Variants in PNPLA7 observed in about 807,000 individuals in gnomAD.
The protein encoded by PNPLA7 is patatin-like phospholipase domain-containing protein 7.
Under a neutral mutation model 161.7 loss-of-function variants are expected in PNPLA7, and 153 were observed. That is an observed-to-expected ratio of 0.95 (90% CI 0.83 to 1.08). The LOEUF is 1.08. Ranked by LOEUF, PNPLA7 falls within the 50% of genes least tolerant of loss-of-function variation. PNPLA7 has a pLI of 0.00. For synonymous variants in PNPLA7, 809 were observed against 782.1 expected, an observed-to-expected ratio of 1.03 and a Z score of -0.57; for missense variants, 1,739 against 1,856.6, an observed-to-expected ratio of 0.94 and a Z score of 1.16.
intron 28 of PNPLA7, 91 bp from the exon 29 acceptor site, chr9:137,463,622 G>A: frequency 2.1e-6 from 2 of 952,994 alleles, no homozygotes; most frequent in Non-Finnish European, 3.2e-6. Context: ...CCTGGAGCTG[G>A]TAGGTCCCAA....
intron 8 of PNPLA7, among the ~76,000 whole-genome samples, chr9:137,532,328 T>G (rs954429223): frequency 1.3e-5 from 2 of 152,112 alleles, no homozygotes; most frequent in Non-Finnish European, 2.9e-5. Flanking sequence ...TCCCAGCTAC[T>G]CGGGAGGCTG....
rs939743724 is a variant in PNPLA7 at position 137,500,662 on chromosome 9, G to A, written c.1757+29C>T. On this transcript the variant is annotated intron_variant, in intron 16 of 34. Transcript: ENST00000406427. This position sits in a 1 kb window ranked among gnomAD's most constrained non-coding sequence, Gnocchi z 5.5. ...CTCAGGGCAGGGGGGGCTGGGGCCC[G>A]CCCTGAGGTCCTGGCCCGTGGGACT... The A allele has an allele frequency of 1.1e-5, 18 of 1,605,876 alleles. No individual in the cohort carries two copies. The highest frequency in any genetic ancestry group is 1.7e-4 in the Middle Eastern group (1 of 6,060).
rs199703362 is a variant in PNPLA7, at chr9:137,498,127, G to T, written c.1876C>A (p.Arg626=). 3 of 1,612,912 alleles carry T rather than the reference G, an allele frequency of 1.9e-6. No homozygotes were observed. The highest frequency in any genetic ancestry group is 2.5e-6 in the Non-Finnish European group (3 of 1,179,926). The stretch of plus-strand genomic sequence containing the variant: ...CCACGGCCTCACCTGTATATTGCTC[G>T]CCCGGCCTCCACCTCCACCCAGTCC... ...ALDWVEVEAG[R]AIYRQGDKSD... Residue 626 remains arginine, a synonymous_variant, in exon 17 of 35, where the codon CGA becomes AGA. Coordinates refer to ENST00000406427, the MANE Select transcript of PNPLA7 (RefSeq NM_001098537.3).
intron 18 of PNPLA7, 86 bp from the exon 19 acceptor site, chr9:137,495,232 C>T (rs1298076775): frequency 1.0e-5 from 9 of 889,774 alleles, no homozygotes; most frequent in Non-Finnish European, 1.6e-5. Flanking sequence ...CGGTGCCTGC[C>T]AGAGCCACAC....
chr9:137,545,886 A>C (rs187084805), intron 4 of PNPLA7, among the ~76,000 whole-genome samples: 1 of 152,294 alleles, frequency 6.6e-6, no homozygotes, highest in Non-Finnish European at 1.5e-5. Flanking sequence ...CGGTAGCGTC[A>C]GTGTCAAGGA....
intron 9 of PNPLA7, among the ~76,000 whole-genome samples, chr9:137,521,969 A>G (rs1268042198): frequency 2.6e-5 from 4 of 152,116 alleles, no homozygotes; most frequent in African/African-American, 9.7e-5. Flanking sequence ...ATCTAAAGTT[A>G]CTCCAAAGTG....
chr9:137,473,255 A>G (rs1406387883), intron 25 of PNPLA7, among the ~76,000 whole-genome samples: 1 of 152,210 alleles, frequency 6.6e-6, no homozygotes, highest in African/African-American at 2.4e-5. Context: ...TGGCCAAACC[A>G]TATCATTCAG....
At position 137,519,911 on chromosome 9, in the gene PNPLA7, C is replaced by T; in HGVS notation, c.1084+6G>A. On this transcript the variant is annotated splice_donor_region_variant and intron_variant, in intron 11 of 34. Coordinates refer to ENST00000406427, the MANE Select transcript of PNPLA7 (RefSeq NM_001098537.3). ...GGACATTGCCCTCCTTGGTGCAGGA[C>T]AGTACCTGAGTCACAGGACTCCTGG... 1.2e-6 allele frequency: 2 copies of T among 1,611,062 alleles called. No individual in the cohort carries two copies. Among genetic ancestry groups the T allele is most frequent in the Non-Finnish European group, 1.7e-6 (2 of 1,179,108 alleles).
At position 137,463,393 on chromosome 9, in the gene PNPLA7, C is replaced by T. The variant is rs1243198165; in HGVS notation, c.3343+22G>A. ...CCCAGGAGCCTGTGCTCCTGCCGGG[C>T]GTGGTCCCCCCACCGCAGTACCTGG... On this transcript the variant is annotated intron_variant, in intron 29 of 34. Transcript: ENST00000406427. The T allele has an allele frequency of 5.7e-6, 9 of 1,578,556 alleles. No individual in the cohort carries two copies. The Admixed American group carries it at 7.0e-5, about 12-fold the overall frequency.
intron 12 of PNPLA7, among the ~76,000 whole-genome samples, chr9:137,510,824 A>T (rs1326406170): frequency 6.6e-6 from 1 of 152,184 alleles, no homozygotes; most frequent in Admixed American, 6.5e-5. Flanking sequence ...GCGGAAAGTC[A>T]CCCAGGTGCC....
At chr9:137,514,657 T>TTTTGCTACACATCAGTTACAGCAAA (rs1357725705) in intron 12 of PNPLA7, among the ~76,000 whole-genome samples, 1 of 140,200 alleles carries the variant, frequency 7.1e-6, no homozygotes, top group African/African-American at 2.7e-5. Flanking sequence ...GATGTTGAGG[T>TTTTGCTACACATCAGTTACAGCAAA]GCCTGGGCCC....
intron 32 of PNPLA7, 144 bp downstream of exon 32, chr9:137,461,787 G>T: frequency 1.7e-6 from 2 of 1,191,358 alleles, no homozygotes; most frequent in Non-Finnish European, 2.3e-6. Context: ...AGCAATCCTT[G>T]TCCTGGCCCT....
chr9:137,463,331 C>T (rs185212930), intron 29 of PNPLA7, 84 bp downstream of exon 29: 15 of 1,218,962 alleles, frequency 1.2e-5, no homozygotes, highest in East Asian at 2.5e-5. Flanking sequence ...CTTCTTGGAG[C>T]GGAGGCAGCT....
At chr9:137,515,578 A>T (rs898819600) in intron 11 of PNPLA7, 59 bp from the exon 12 acceptor site, 2 of 1,467,526 alleles carry the variant, frequency 1.4e-6, no homozygotes, top group African/African-American at 2.8e-5. Flanking sequence ...TGTCTGGTGC[A>T]GCCCATTCGG....
intron 16 of PNPLA7, 146 bp from the exon 17 acceptor site, chr9:137,498,391 A>G: frequency 8.0e-7 from 1 of 1,243,812 alleles, no homozygotes; most frequent in Non-Finnish European, 1.1e-6. Flanking sequence ...GGGACGGGGC[A>G]CGCACCAGTC....
In PNPLA7 at chr9:137,499,912, G is replaced by A. The variant is rs1315773049; in HGVS notation, c.1757+779C>T. On this transcript the variant is annotated intron_variant, in intron 16 of 34. Transcript: ENST00000406427. This position sits in a 1 kb window ranked among gnomAD's most constrained non-coding sequence, Gnocchi z 5.5. ...CAGCAGACATCTGGCCTATGAGGGT[G>A]CGGAGGACTTCCAGAAAACACACAC... Among the ~76,000 whole-genome samples the A allele has an allele frequency of 6.6e-6, 1 of 152,252 alleles. No homozygotes were observed. The highest frequency in any genetic ancestry group is 1.5e-5 in the Non-Finnish European group (1 of 68,050).
rs569367259 is a variant in PNPLA7, at chr9:137,520,773, G to T, written c.958-730C>A. ...CACCGCCAGGAGGAGGGAGAGCCGG[G>T]GTTGACAGCCTTGTGCCCTTGACAA... On this transcript the variant is annotated intron_variant, in intron 10 of 34. Coordinates refer to ENST00000406427, the MANE Select transcript of PNPLA7 (RefSeq NM_001098537.3). The surrounding 1 kb of genome is among the most constrained non-coding windows in gnomAD (Gnocchi z 5.2). Among the ~76,000 whole-genome samples the T allele has an allele frequency of 3.3e-5, 5 of 152,336 alleles. No homozygotes were observed. The highest frequency in any genetic ancestry group is 4.1e-4 in the South Asian group (2 of 4,834).
chr9:137,538,776 G>A (rs1350447017), intron 8 of PNPLA7, among the ~76,000 whole-genome samples: 2 of 152,234 alleles, frequency 1.3e-5, no homozygotes, highest in Non-Finnish European at 2.9e-5. Flanking sequence ...AATGGGCCAA[G>A]CGCGGTGGCT....
At chr9:137,522,922 G>C (rs1315725638) in intron 8 of PNPLA7, 65 bp from the exon 9 acceptor site, 1 of 1,591,944 alleles carries the variant, frequency 6.3e-7, no homozygotes, top group South Asian at 1.1e-5. Context: ...GAATGCCAAG[G>C]CTCCTGGAAG....
Sources: gnomAD v4.1 joint callset for allele counts (sites outside exome capture counted in the v4.1 genomes callset) on GRCh38, gnomAD v4.1.1 for gene constraint, Gnocchi (gnomAD v3.1) non-coding constraint, MANE v1.5 for transcripts, NCBI Gene and HGNC (gene_info 2026-07-23, HGNC 2026-07-21) for gene names.